The following ARMS2 variants were observed in gnomAD, a reference collection of about 807,000 sequenced individuals.
ARMS2 encodes the protein age-related maculopathy susceptibility protein 2.
In ARMS2, 4 loss-of-function variants were observed where a neutral mutation model predicts 6.0. The observed-to-expected ratio is 0.67, with a 90% CI of 0.33 to 1.53. The LOEUF is 1.53. Ranked by LOEUF, ARMS2 falls within the 40% of genes most tolerant of loss-of-function variation. ARMS2 has a pLI of 0.06. For synonymous variants in ARMS2, 49 were observed against 51.7 expected, an observed-to-expected ratio of 0.95 and a Z score of 0.22; for missense variants, 99 against 127.6, an observed-to-expected ratio of 0.78 and a Z score of 1.08.
intron 1 of ARMS2, among the ~76,000 whole-genome samples, chr10:122,455,451 T>C (rs36212730): frequency 1.2e-4 from 19 of 152,160 alleles, no homozygotes; most frequent in Non-Finnish European, 2.4e-4. Context: ...ATTCTTTCAA[T>C]ATTCTCACGG....
intron 1 of ARMS2, 46 bp from the exon 2 acceptor site, chr10:122,456,861 C>CA: frequency 6.7e-7 from 1 of 1,485,974 alleles, no homozygotes; most frequent in Non-Finnish European, 8.9e-7. Flanking sequence ...AAAATATCGT[C>CA]ATGTGTCTTT....
intron 1 of ARMS2, among the ~76,000 whole-genome samples, chr10:122,455,737 C>T (rs528413699): frequency 6.6e-6 from 1 of 152,230 alleles, no homozygotes; most frequent in South Asian, 2.1e-4. Flanking sequence ...CCTTCCCTCT[C>T]TTAATTTTTG....
rs2133898068 is a variant in ARMS2, at chr10:122,454,846, C to G, written c.119C>G (p.Ser40Cys). 1 of 1,614,004 alleles carries G rather than the reference C, an allele frequency of 6.2e-7. No homozygotes were observed. Among genetic ancestry groups the G allele is most frequent in the Non-Finnish European group, 8.5e-7 (1 of 1,179,896 alleles). ...PVSFISTLRE[S>C]VLDPGVGGEG... ...TCCTTCATTTCCACTCTGCGAGAGT[C>G]TGTGCTGGACCCTGGAGTTGGTGGA... Residue 40 changes from serine to cysteine, a missense_variant, in exon 1 of 2, where the codon TCT (serine) becomes TGT (cysteine). Ser to Cys is a moderately radical substitution (Grantham distance 112, BLOSUM62 -1). Coordinates refer to ENST00000528446, the MANE Select transcript of ARMS2 (RefSeq NM_001099667.3).
Position 122,456,924 on chromosome 10 carries a change from A to C in ARMS2, c.315A>C (p.Ala105=). 5.2e-6 allele frequency: 8 copies of C among 1,551,566 alleles called. No individual in the cohort carries two copies. Among genetic ancestry groups the C allele is most frequent in the Non-Finnish European group, 7.0e-6 (8 of 1,146,960 alleles). ...TTTTTCAGTCTATCATCCACACTGC[A>C]GCAAGGTGATTCTGCCAAAACATAT... The part of the protein sequence containing the change: ...HHLTLSIIHT[A]AR Residue 105 remains alanine (A), a synonymous_variant, in exon 2 of 2, where the codon GCA becomes GCC. Coordinates refer to ENST00000528446, the MANE Select transcript of ARMS2 (RefSeq NM_001099667.3).
chr10:122,456,087 T>G (rs1305927827), intron 1 of ARMS2, among the ~76,000 whole-genome samples: 1 of 152,078 alleles, frequency 6.6e-6, no homozygotes, highest in Non-Finnish European at 1.5e-5. Context: ...TCGCCTAAAT[T>G]AATAAAAGAT....
At chr10:122,455,653 T>G (rs915400925) in intron 1 of ARMS2, among the ~76,000 whole-genome samples, 21 of 152,334 alleles carry the variant, frequency 1.4e-4, no homozygotes, top group Non-Finnish European at 2.9e-4. Flanking sequence ...TTTCTAATGC[T>G]TACGGAACTG....
At position 122,454,734 on chromosome 10, in the gene ARMS2, C is replaced by T. The variant is rs998747575; in HGVS notation, c.7C>T (p.Arg3Cys). 5.0e-6 allele frequency: 8 copies of T among 1,613,608 alleles called. No homozygotes were observed. The highest frequency in any genetic ancestry group is 2.7e-5 in the African/African-American group (2 of 74,902). Reference protein sequence around the residue: MLRLYPGPMVTEA... With the variant: MLCLYPGPMVTEA... ...TTATGTCCCTGTACCCTACATGCTG[C>T]GCCTATACCCAGGACCGATGGTAAC... The change falls in exon 1 of 2, where the codon CGC (arginine) becomes TGC (cysteine). Residue 3 changes from arginine to cysteine, a missense_variant. Coordinates refer to ENST00000528446, the MANE Select transcript of ARMS2 (RefSeq NM_001099667.3).
chr10:122,454,868 T>C lies in ARMS2; in HGVS notation c.141T>C (p.Gly47=). The change falls in exon 1 of 2, where the codon GGT becomes GGC. Residue 47 remains glycine (G), a synonymous_variant. Transcript: ENST00000528446. ...LRESVLDPGV[G]GEGASDKQRS... is the part of the protein sequence containing the mutation. ...AGTCTGTGCTGGACCCTGGAGTTGG[T>C]GGAGAAGGAGCCAGTGACAAGCAGA... is the stretch of plus-strand genomic sequence containing the variant. 6.2e-7 allele frequency: 1 copy of C among 1,613,964 alleles called. No individual in the cohort carries two copies. Among genetic ancestry groups the C allele is most frequent in the East Asian group, 2.2e-5 (1 of 44,874 alleles).
chr10:122,454,988 GA>G lies in ARMS2; in HGVS notation c.262del (p.Arg88GlyfsTer10). 1 of 1,609,042 alleles carries G rather than the reference GA, an allele frequency of 6.2e-7. No individual in the cohort carries two copies. Among genetic ancestry groups the G allele is most frequent in the Non-Finnish European group, 8.5e-7 (1 of 1,175,840 alleles). On this transcript the variant is annotated frameshift_variant, in exon 1 of 2. Coordinates refer to ENST00000528446, the MANE Select transcript of ARMS2 (RefSeq NM_001099667.3). LOFTEE classifies it low-confidence loss of function (END_TRUNC). The part of the protein sequence containing the change: ...PAFFSPAGTQ[R>X]RFQQPQHHLT... ...CCTTCTTCTCTCCTGCTGGAACCCAGAGGAGGTTCCAGCAGCCTCAGCACCA... is the reference window on the plus strand; with the variant it reads ...CCTTCTTCTCTCCTGCTGGAACCCAGGGAGGTTCCAGCAGCCTCAGCACCA...
chr10:122,455,035 CA>C lies in ARMS2; in HGVS notation c.297+12del. The C allele has an allele frequency of 7.1e-7, 1 of 1,410,102 alleles. No individual in the cohort carries two copies. Among genetic ancestry groups the C allele is most frequent in the Non-Finnish European group, 9.9e-7 (1 of 1,008,310 alleles). 87.3% of individuals were successfully genotyped at this position (1,410,102 alleles called of 1,614,324 possible). A position where few individuals can be genotyped will look rare whatever the true frequency, so the allele number is the denominator to read the frequency against. On this transcript the variant is annotated intron_variant, in intron 1 of 1. Transcript: ENST00000528446. ...CACCACCTGACACTGGTAAGAAATG[CA>C]GATGATCAGGCCTTACCCCAGACCT...
chr10:122,457,100 C>T lies in ARMS2; in HGVS notation c.*167C>T. The T allele has an allele frequency of 1.2e-6, 1 of 828,298 alleles. No homozygotes were observed. Among genetic ancestry groups the T allele is most frequent in the Non-Finnish European group, 1.9e-6 (1 of 538,552 alleles). 51.3% of individuals were successfully genotyped at this position (828,298 alleles called of 1,614,324 possible). A position where few individuals can be genotyped will look rare whatever the true frequency, so the allele number is the denominator to read the frequency against. ...AGGACTCTCTTCCCACCTGCGGCCACACTGTGCAACCTGGAATTTCCCCAC... is the reference window on the plus strand; with the variant it reads ...AGGACTCTCTTCCCACCTGCGGCCATACTGTGCAACCTGGAATTTCCCCAC... On this transcript the variant is annotated 3_prime_UTR_variant, in exon 2 of 2. Coordinates refer to ENST00000528446, the MANE Select transcript of ARMS2 (RefSeq NM_001099667.3).
At chr10:122,455,707 G>C (rs993577646) in intron 1 of ARMS2, among the ~76,000 whole-genome samples, 2 of 152,182 alleles carry the variant, frequency 1.3e-5, no homozygotes, top group Non-Finnish European at 2.9e-5. Flanking sequence ...AGACAAATGA[G>C]AGAACACAAA....
chr10:122,456,826 C>G, intron 1 of ARMS2, 81 bp from the exon 2 acceptor site: 3 of 1,533,930 alleles, frequency 2.0e-6, no homozygotes, highest in African/African-American at 1.4e-5. Context: ...GCATCTTCAA[C>G]TTAATTTAAA....
rs757519648 is a variant in ARMS2 at position 122,454,760 on chromosome 10, T to C, written c.33T>C (p.Thr11=). The change falls in exon 1 of 2, where the codon ACT becomes ACC. Residue 11 remains threonine (T), a synonymous_variant. Coordinates refer to ENST00000528446, the MANE Select transcript of ARMS2 (RefSeq NM_001099667.3). ...GCCTATACCCAGGACCGATGGTAAC[T>C]GAGGCGGAGGGGAAAGGAGGGCCTG... MLRLYPGPMV[T]EAEGKGGPEM... 5 of 1,613,822 alleles carry C rather than the reference T, an allele frequency of 3.1e-6. No homozygotes were observed.
rs889565655 is a variant in ARMS2 at position 122,454,940 on chromosome 10, C to T, written c.213C>T (p.Ile71=). 15 of 1,613,880 alleles carry T rather than the reference C, an allele frequency of 9.3e-6. No homozygotes were observed. Among genetic ancestry groups the T allele is most frequent in the Admixed American group, 8.3e-5 (5 of 59,994 alleles). Residue 71 remains isoleucine, a synonymous_variant, in exon 1 of 2, where the codon ATC becomes ATT. Transcript: ENST00000528446. ...ACTCCATGATCCCAGCTGCTAAAAT[C>T]CACACTGAGCTCTGCTTACCAGCCT... ...LSHSMIPAAK[I]HTELCLPAFF... is the part of the protein sequence containing the mutation.
rs3750847 is a variant in ARMS2, at chr10:122,455,905, C to T, written c.297+881C>T. On this transcript the variant is annotated intron_variant, in intron 1 of 1. Coordinates refer to ENST00000528446, the MANE Select transcript of ARMS2 (RefSeq NM_001099667.3). The stretch of plus-strand genomic sequence containing the variant: ...TGACAAGCTGTCATTCAAGACCTTT[C>T]GGTGGCTGCCTGGGGCTCTGTTTGA... 0.24 allele frequency among the ~76,000 whole-genome samples: 35,709 copies of T among 151,862 alleles called. 4,407 individuals are homozygous for T. The highest frequency in any genetic ancestry group is 0.41 in the East Asian group (2,134 of 5,144).
chr10:122,456,455 G>T (rs1175941218), intron 1 of ARMS2, among the ~76,000 whole-genome samples: 2 of 151,996 alleles, frequency 1.3e-5, no homozygotes, highest in Non-Finnish European at 2.9e-5. Flanking sequence ...AGGAGTTTGA[G>T]ACCAGCCTGG....
rs916037935 is a variant in ARMS2 at position 122,455,153 on chromosome 10, TG to T, written c.297+131del. On this transcript the variant is annotated intron_variant, in intron 1 of 1. Coordinates refer to ENST00000528446, the MANE Select transcript of ARMS2 (RefSeq NM_001099667.3). ...ATGCATGCTCAGGTTTGAGCACCACTGGCCACAGGGAGGCCTAGGCAATTCA... is the reference window on the plus strand; with the variant it reads ...ATGCATGCTCAGGTTTGAGCACCACTGCCACAGGGAGGCCTAGGCAATTCA... 9.1e-5 allele frequency: 56 copies of T among 617,876 alleles called. No individual in the cohort carries two copies. The African/African-American group carries it at 9.6e-4, about 11-fold the overall frequency. 38.3% of individuals were successfully genotyped at this position (617,876 alleles called of 1,614,324 possible). A position where few individuals can be genotyped will look rare whatever the true frequency, so the allele number is the denominator to read the frequency against.
Position 122,456,402 on chromosome 10 carries a change from A to G in ARMS2, c.298-505A>G, listed in dbSNP as rs561914871. On this transcript the variant is annotated intron_variant, in intron 1 of 1. Coordinates refer to ENST00000528446, the MANE Select transcript of ARMS2 (RefSeq NM_001099667.3). Reference sequence around the variant, plus strand: ...CAGGCATGGTGGCTCATGGCTGTATACCAGCACTTTGGGAGGCCAAGGTGG... The same window carrying G: ...CAGGCATGGTGGCTCATGGCTGTATGCCAGCACTTTGGGAGGCCAAGGTGG... Among the ~76,000 whole-genome samples, 4 of 152,028 alleles carry G rather than the reference A, an allele frequency of 2.6e-5. No homozygotes were observed. In the South Asian group the frequency reaches 8.3e-4, roughly 32 times the overall value.
Sources: gnomAD v4.1 joint callset for allele counts (sites outside exome capture counted in the v4.1 genomes callset) on GRCh38, gnomAD v4.1.1 for gene constraint, MANE v1.5 for transcripts, NCBI Gene and HGNC (gene_info 2026-07-23, HGNC 2026-07-21) for gene names.